ST7: variants seen among roughly 807,000 people sequenced by gnomAD.
ST7 encodes suppressor of tumorigenicity 7 protein.
ST7 carries 28 observed loss-of-function variants against 78.7 expected under a neutral mutation model. The ratio of observed to expected loss-of-function variants is 0.36; its 90% confidence interval spans 0.26 to 0.49. The LOEUF (loss-of-function observed/expected upper bound fraction) is 0.49. Ranked by LOEUF, ST7 falls within the 20% of genes least tolerant of loss-of-function variation. The probability of loss-of-function intolerance (pLI) is 0.99; values close to 1 mark genes in which losing one functional copy is unlikely to be tolerated. For missense variants in ST7, 418 were observed against 696.0 expected (o/e 0.60, Z 4.49); for synonymous variants, 247 against 249.6 (o/e 0.99, Z 0.10).
chr7:117,106,603 T>A (rs1317048444), intron 2 of ST7, among the ~76,000 whole-genome samples: 2 of 150,422 alleles, frequency 1.3e-5, no homozygotes, highest in Non-Finnish European at 1.5e-5. Context: ...TCTTCAAAGT[T>A]CATTGTATCA....
intron 1 of ST7, chr7:116,956,740 C>A (rs989915239): frequency 2.3e-6 from 1 of 438,372 alleles, no homozygotes; most frequent in Admixed American, 2.7e-5. Flanking sequence ...GAGCTTAACT[C>A]GATTTTTTTT....
chr7:117,028,862 A>T (rs554775642), intron 1 of ST7, among the ~76,000 whole-genome samples: 1 of 152,244 alleles, frequency 6.6e-6, no homozygotes, highest in African/African-American at 2.4e-5. Flanking sequence ...CTTAGGGCTC[A>T]GCTGGGGTTG....
At chr7:117,082,961 A>G (rs1025302493) in intron 1 of ST7, among the ~76,000 whole-genome samples, 3 of 152,220 alleles carry the variant, frequency 2.0e-5, no homozygotes, top group Non-Finnish European at 2.9e-5. Flanking sequence ...TTGTAATACC[A>G]TACATATCTA....
intron 1 of ST7, among the ~76,000 whole-genome samples, chr7:117,093,477 G>A (rs1800784993): frequency 6.6e-6 from 1 of 152,174 alleles, no homozygotes; most frequent in Non-Finnish European, 1.5e-5. Context: ...TGAGTGGGGT[G>A]GATCAGTGAG....
intron 9 of ST7, among the ~76,000 whole-genome samples, chr7:117,158,576 A>G (rs1806881866): frequency 1.3e-5 from 2 of 152,218 alleles, no homozygotes; most frequent in Non-Finnish European, 2.9e-5. Flanking sequence ...GAACATGCGG[A>G]TCATATATTG....
chr7:117,160,520 C>G (rs1281852240), intron 9 of ST7, among the ~76,000 whole-genome samples: 4 of 149,818 alleles, frequency 2.7e-5, no homozygotes, highest in Non-Finnish European at 5.9e-5. Flanking sequence ...AATGTGCCCT[C>G]TCTCCCGTGA....
intron 1 of ST7, among the ~76,000 whole-genome samples, chr7:117,001,963 C>T (rs1451468333): frequency 6.6e-5 from 10 of 152,286 alleles, no homozygotes; most frequent in Middle Eastern, 3.4e-3. Flanking sequence ...TGGTGGCTCA[C>T]GCCTGTAATC....
intron 1 of ST7, chr7:116,959,536 T>TG (rs774789604): frequency 1.1e-4 from 32 of 280,060 alleles, no homozygotes; most frequent in South Asian, 9.4e-4. Context: ...TTTAGTGAGC[T>TG]GGGATTGGAA....
intron 1 of ST7, among the ~76,000 whole-genome samples, chr7:117,031,977 G>A (rs1226753677): frequency 6.6e-6 from 1 of 150,586 alleles, no homozygotes; most frequent in East Asian, 1.9e-4. Flanking sequence ...TGCTTCCCAG[G>A]TTCAAGCAAT....
chr7:117,164,450 G>A (rs1157694389), intron 9 of ST7, among the ~76,000 whole-genome samples: 1 of 151,760 alleles, frequency 6.6e-6, no homozygotes, highest in Non-Finnish European at 1.5e-5. Flanking sequence ...GGTGGGTGGT[G>A]ACATTAGGTA....
intron 1 of ST7, among the ~76,000 whole-genome samples, chr7:117,039,174 T>C (rs369032416): frequency 1.3e-5 from 2 of 152,166 alleles, no homozygotes; most frequent in South Asian, 2.1e-4. Flanking sequence ...CTTTTTTCCT[T>C]AGGATACATT....
At chr7:117,082,232 T>C (rs961226995) in intron 1 of ST7, among the ~76,000 whole-genome samples, 1 of 152,178 alleles carries the variant, frequency 6.6e-6, no homozygotes, top group Non-Finnish European at 1.5e-5. Flanking sequence ...TCTACCCAAG[T>C]TGACACACAA....
intron 1 of ST7, chr7:117,098,937 G>C (rs1342435352): frequency 1.1e-6 from 1 of 881,384 alleles, no homozygotes; most frequent in African/African-American, 1.8e-5. Flanking sequence ...GAGCAACAAG[G>C]TTAACTGAAT....
chr7:116,972,738 C>T (rs547458351), intron 1 of ST7: 51 of 920,126 alleles, frequency 5.5e-5, no homozygotes, highest in Non-Finnish European at 9.0e-5. Context: ...TCTCATGAAC[C>T]AGCTGGATCC....
chr7:117,109,062 T>C (rs1242991237), intron 2 of ST7, among the ~76,000 whole-genome samples: 2 of 152,228 alleles, frequency 1.3e-5, no homozygotes, highest in African/African-American at 4.8e-5. Context: ...ACAGTTTGAC[T>C]TCCTCTTTAC....
At chr7:117,187,317 A>G (rs1809355199) in intron 10 of ST7, among the ~76,000 whole-genome samples, 1 of 152,118 alleles carries the variant, frequency 6.6e-6, no homozygotes, top group South Asian at 2.1e-4. Flanking sequence ...ATAGAGCTAC[A>G]TTTCCCTCTT....
Position 116,989,582 on chromosome 7 carries a change from T to G in ST7, c.151+35891T>G, listed in dbSNP as rs527385520. Reference sequence around the variant, plus strand: ...TAGAAATTTTCCTCAAATGAGGCTGTAATCCCAGCACTTTGGGAGGCTGAG... The same window carrying G: ...TAGAAATTTTCCTCAAATGAGGCTGGAATCCCAGCACTTTGGGAGGCTGAG... On this transcript the variant is annotated intron_variant, in intron 1 of 15. Transcript: ENST00000323984. 8.5e-5 allele frequency among the ~76,000 whole-genome samples: 13 copies of G among 152,284 alleles called. No homozygotes were observed. The East Asian group carries it at 2.5e-3, about 29-fold the overall frequency.
intron 15 of ST7, among the ~76,000 whole-genome samples, chr7:117,224,481 A>G (rs914074746): frequency 6.6e-6 from 1 of 152,230 alleles, no homozygotes; most frequent in East Asian, 1.9e-4. Flanking sequence ...CTCTGAGTAG[A>G]GTGTGACTTA....
intron 2 of ST7, among the ~76,000 whole-genome samples, chr7:117,100,556 A>G (rs1322606060): frequency 6.6e-6 from 1 of 152,176 alleles, no homozygotes; most frequent in African/African-American, 2.4e-5. Context: ...TTTTTTTTTA[A>G]ATGTATTGAC....
Sources: allele counts gnomAD v4.1 joint callset (sites outside exome capture counted in the v4.1 genomes callset), GRCh38; gene constraint gnomAD v4.1.1; transcripts MANE v1.5; gene names NCBI Gene and HGNC (gene_info 2026-07-23, HGNC 2026-07-21).